CEP89: variants seen among roughly 807,000 people sequenced by gnomAD.
CEP89 encodes the protein centrosomal protein 89.
A neutral mutation model predicts 97.6 loss-of-function variants in CEP89; 95 were observed. The observed-to-expected ratio is 0.97, with a 90% CI of 0.82 to 1.15. The LOEUF (loss-of-function observed/expected upper bound fraction) is 1.15, where lower values mean the gene tolerates loss of function less well. CEP89 is among the 50% of genes most tolerant of loss of function. The probability of loss-of-function intolerance (pLI) is 0.00; values close to 1 mark genes in which losing one functional copy is unlikely to be tolerated. For missense variants in CEP89, 869 were observed against 947.7 expected, an observed-to-expected ratio of 0.92 and a Z score of 1.09; for synonymous variants, 354 against 349.1, an observed-to-expected ratio of 1.01 and a Z score of -0.16.
intron 13 of CEP89, chr19:32,917,713 T>G (rs545119834): frequency 2.8e-6 from 2 of 726,050 alleles, no homozygotes; most frequent in South Asian, 6.2e-5. Context: ...CTCCTAGGGG[T>G]TGGGGGAATG....
At chr19:32,879,988 G>C (rs1354876315) in intron 18 of CEP89, among the ~76,000 whole-genome samples, 1 of 152,238 alleles carries the variant, frequency 6.6e-6, no homozygotes, top group Non-Finnish European at 1.5e-5. Flanking sequence ...CCATGTGCCG[G>C]GATGGGGAGG....
chr19:32,935,876 G>A (rs953752761), intron 7 of CEP89, among the ~76,000 whole-genome samples: 7 of 152,100 alleles, frequency 4.6e-5, no homozygotes, highest in African/African-American at 9.7e-5. Flanking sequence ...CATAGGCTCC[G>A]AAGTGCCTGA....
intron 1 of CEP89, among the ~76,000 whole-genome samples, chr19:32,968,481 C>T (rs1971330893): frequency 1.3e-5 from 2 of 152,206 alleles, no homozygotes; most frequent in South Asian, 4.1e-4. Context: ...CTCCTGACCT[C>T]AGGCAATCCG....
intron 3 of CEP89, among the ~76,000 whole-genome samples, chr19:32,956,975 C>G (rs1404313632): frequency 6.6e-6 from 1 of 152,124 alleles, no homozygotes; most frequent in Non-Finnish European, 1.5e-5. Flanking sequence ...AGGCTCAAAG[C>G]TGATTTCTAA....
intron 14 of CEP89, among the ~76,000 whole-genome samples, chr19:32,912,898 CGGGCGAGGTGGT>C (rs1970032059): frequency 6.6e-6 from 1 of 151,052 alleles, no homozygotes; most frequent in South Asian, 2.1e-4. Context: ...AAAAATTAGC[CGGGCGAGGTGGT>C]GGGCGCCTGT....
intron 5 of CEP89, among the ~76,000 whole-genome samples, chr19:32,946,452 A>G (rs1288910006): frequency 2.6e-5 from 4 of 152,194 alleles, no homozygotes; most frequent in African/African-American, 9.7e-5. Flanking sequence ...ATGTGTTGTG[A>G]GATGAAAGAA....
chr19:32,945,652 T>C (rs1256842251), intron 5 of CEP89, among the ~76,000 whole-genome samples: 1 of 152,178 alleles, frequency 6.6e-6, no homozygotes, highest in Non-Finnish European at 1.5e-5. Flanking sequence ...CTTCCTTCCA[T>C]GCATTAATTT....
chr19:32,960,678 C>T (rs890070142), intron 2 of CEP89, among the ~76,000 whole-genome samples: 8 of 152,020 alleles, frequency 5.3e-5, no homozygotes, highest in Admixed American at 2.6e-4. Context: ...GGTGTGGTGG[C>T]GCGCACCTGT....
intron 5 of CEP89, among the ~76,000 whole-genome samples, chr19:32,947,679 T>C (rs1383965063): frequency 1.3e-5 from 2 of 152,010 alleles, no homozygotes; most frequent in African/African-American, 4.8e-5. Flanking sequence ...CTGGTAGAGA[T>C]GGGATGTCCA....
At position 32,898,814 on chromosome 19, in the gene CEP89, G is replaced by A. The variant is rs111861041; in HGVS notation, c.1875+1043C>T. Among the ~76,000 whole-genome samples, 29 of 151,066 alleles carry A rather than the reference G, an allele frequency of 1.9e-4. 1 individual carries two copies. Among genetic ancestry groups the A allele is most frequent in the African/African-American group, 5.6e-4 (23 of 41,158 alleles). On this transcript the variant is annotated intron_variant, in intron 16 of 18. Coordinates refer to ENST00000305768, the MANE Select transcript of CEP89 (RefSeq NM_032816.5). ...CAAAAATGTCTTGAACCCAGGAAGCGGAGGTTGCAGTGAGCCGAGATCACG... is the reference window on the plus strand; with the variant it reads ...CAAAAATGTCTTGAACCCAGGAAGCAGAGGTTGCAGTGAGCCGAGATCACG...
chr19:32,912,157 C>G (rs982131157), intron 14 of CEP89, among the ~76,000 whole-genome samples: 1 of 150,152 alleles, frequency 6.7e-6, no homozygotes, highest in Non-Finnish European at 1.5e-5. Context: ...GAGCCAAGAT[C>G]GCGCCACTGC....
At chr19:32,963,867 C>T (rs1229388023) in intron 2 of CEP89, 1 of 151,504 alleles carries the variant, frequency 6.6e-6, no homozygotes, top group Non-Finnish European at 1.5e-5. Flanking sequence ...GAAAACTAAC[C>T]ACTGACTGTC....
Position 32,971,875 on chromosome 19 carries a change from C to A in CEP89, c.-1G>T, listed in dbSNP as rs775697744. The A allele has an allele frequency of 6.3e-7, 1 of 1,588,180 alleles. No homozygotes were observed. The highest frequency in any genetic ancestry group is 1.1e-5 in the South Asian group (1 of 87,680). On this transcript the variant is annotated 5_prime_UTR_variant, in exon 1 of 19. Transcript: ENST00000305768. ...GGCCTCTCCGAAATCCCAGGAGCAT[C>A]CTTGCAGCGCGAGGAGAATGGACCG...
intron 5 of CEP89, among the ~76,000 whole-genome samples, chr19:32,940,765 C>CTTT (rs71338602): frequency 1.4e-5 from 2 of 143,408 alleles, no homozygotes; most frequent in Non-Finnish European, 1.5e-5. Flanking sequence ...CATCGAGTTG[C>CTTT]TTTTTTTTTT....
intron 2 of CEP89, among the ~76,000 whole-genome samples, chr19:32,961,511 G>A (rs1425023578): frequency 1.3e-5 from 2 of 150,506 alleles, no homozygotes; most frequent in Non-Finnish European, 3.0e-5. Context: ...CCTGGGAGGT[G>A]GAGCTTGCAG....
chr19:32,936,334 G>A lies in CEP89; in HGVS notation c.667+1297C>T, dbSNP rs1291923736. Among the ~76,000 whole-genome samples, 1 of 152,192 alleles carries A rather than the reference G, an allele frequency of 6.6e-6. No individual in the cohort carries two copies. Among genetic ancestry groups the A allele is most frequent in the Non-Finnish European group, 1.5e-5 (1 of 68,020 alleles). On this transcript the variant is annotated intron_variant, in intron 7 of 18. Coordinates refer to ENST00000305768, the MANE Select transcript of CEP89 (RefSeq NM_032816.5). The surrounding 1 kb of genome is among the most constrained non-coding windows in gnomAD (Gnocchi z 4.5). Reference sequence around the variant, plus strand: ...CCATGAGCACAGGAGGGAAAGACAAGGGGGTGCTGAGGATGGCTCTGCACT... The same window carrying A: ...CCATGAGCACAGGAGGGAAAGACAAAGGGGTGCTGAGGATGGCTCTGCACT...
At chr19:32,968,016 G>C (rs1971320391) in intron 1 of CEP89, among the ~76,000 whole-genome samples, 1 of 152,030 alleles carries the variant, frequency 6.6e-6, no homozygotes, top group Non-Finnish European at 1.5e-5. Context: ...ACAGAGTGGG[G>C]GCATCTTTCA....
chr19:32,879,454 C>T, intron 18 of CEP89, 76 bp from the exon 19 acceptor site: 2 of 1,243,698 alleles, frequency 1.6e-6, no homozygotes, highest in Admixed American at 1.8e-5. Context: ...GTAGCAAGAA[C>T]TCAAAACAGA....
intron 12 of CEP89, among the ~76,000 whole-genome samples, chr19:32,919,572 T>C (rs978014593): frequency 6.6e-6 from 1 of 152,156 alleles, no homozygotes. Context: ...TGGGCTGCCA[T>C]GCTGTTGGGA....
Sources: gnomAD v4.1 joint callset for allele counts (sites outside exome capture counted in the v4.1 genomes callset) on GRCh38, gnomAD v4.1.1 for gene constraint, Gnocchi (gnomAD v3.1) non-coding constraint, MANE v1.5 for transcripts, NCBI Gene and HGNC (gene_info 2026-07-23, HGNC 2026-07-21) for gene names.